Variants in FBLN7 observed in about 807,000 individuals in gnomAD.
FBLN7 encodes the protein fibulin-7.
Under a neutral mutation model 44.0 loss-of-function variants are expected in FBLN7, and 31 were observed. The observed-to-expected ratio is 0.70, with a 90% confidence interval of 0.53 to 0.95. The LOEUF (loss-of-function observed/expected upper bound fraction) is 0.95, where lower values mean the gene tolerates loss of function less well. Ranked by LOEUF, FBLN7 falls within the 40% of genes least tolerant of loss-of-function variation. The pLI, the probability that FBLN7 is intolerant of heterozygous loss-of-function variation, is 0.00. For missense variants in FBLN7, 573 were observed against 618.5 expected (o/e 0.93, Z 0.78); for synonymous variants, 262 against 253.4 (o/e 1.03, Z -0.32).
intron 1 of FBLN7, among the ~76,000 whole-genome samples, chr2:112,157,412 C>G (rs1681486454): frequency 6.6e-6 from 1 of 152,036 alleles, no homozygotes; most frequent in Non-Finnish European, 1.5e-5. Flanking sequence ...ATCCATAAGC[C>G]TATCCCTAAA....
At chr2:112,233,114 G>A in the FBLN7 span, 4 of 541,524 alleles carry the variant, frequency 7.4e-6, no homozygotes, top group Middle Eastern at 4.8e-4. Flanking sequence ...AAAAATCCAC[G>A]TACAATTTAA....
At chr2:112,214,630 A>AGACG in the FBLN7 span, 1 of 152,152 alleles carries the variant, frequency 6.6e-6, no homozygotes, top group Non-Finnish European at 1.5e-5. Flanking sequence ...ATGGCTCTTG[A>AGACG]GACGAATGGC....
chr2:112,207,921 C>G, the FBLN7 span, among the ~76,000 whole-genome samples: 1 of 152,158 alleles, frequency 6.6e-6, no homozygotes, highest in Admixed American at 6.5e-5. Flanking sequence ...ATAGTTGGGT[C>G]ATTTTTAAAA....
chr2:112,236,823 G>A, the FBLN7 span: 2 of 875,136 alleles, frequency 2.3e-6, no homozygotes, highest in Non-Finnish European at 3.4e-6. Flanking sequence ...GAGGCAGGAG[G>A]ACTGCTCAAA....
At chr2:112,232,678 T>G in the FBLN7 span, among the ~76,000 whole-genome samples, 1 of 152,200 alleles carries the variant, frequency 6.6e-6, no homozygotes, top group African/African-American at 2.4e-5. Context: ...ATAACTTCAA[T>G]ATTTTCTAGG....
At chr2:112,191,326 C>T (rs1250028665), downstream of FBLN7, among the ~76,000 whole-genome samples, 1 of 152,154 alleles carries the variant, frequency 6.6e-6, no homozygotes, top group Non-Finnish European at 1.5e-5. Context: ...CAGGCATGCA[C>T]CACCACACCT....
intron 3 of FBLN7, among the ~76,000 whole-genome samples, chr2:112,175,243 C>T (rs1682680121): frequency 1.3e-5 from 2 of 152,236 alleles, no homozygotes; most frequent in African/African-American, 4.8e-5. Flanking sequence ...TTTATAACTG[C>T]ACTGAATTTT....
chr2:112,230,035 G>C, the FBLN7 span, among the ~76,000 whole-genome samples: 1 of 150,756 alleles, frequency 6.6e-6, no homozygotes, highest in Non-Finnish European at 1.5e-5. Flanking sequence ...GGAATATATA[G>C]AAATCAATGT....
chr2:112,158,144 G>A (rs1344921182), intron 1 of FBLN7, among the ~76,000 whole-genome samples: 6 of 146,976 alleles, frequency 4.1e-5, no homozygotes, highest in African/African-American at 1.5e-4. Flanking sequence ...TGATCCGCCC[G>A]CCTCGGCCTC....
chr2:112,201,436 C>T, the FBLN7 span, among the ~76,000 whole-genome samples: 3 of 152,220 alleles, frequency 2.0e-5, no homozygotes, highest in African/African-American at 4.8e-5. Context: ...TTCCAGGGTA[C>T]CCTGTTCCCT....
rs570642163 is a variant in FBLN7, at chr2:112,178,781, C to A, written c.532+2942C>A. Among the ~76,000 whole-genome samples the A allele has an allele frequency of 1.1e-4, 16 of 152,252 alleles. 2 individuals carry two copies. The South Asian group carries it at 3.3e-3, about 32-fold the overall frequency. ...GATTATCTCAATATATGCAAAAAGG[C>A]TTTTGATGAAATTCAACATCTCTTC... On this transcript the variant is annotated intron_variant, in intron 4 of 7. Coordinates refer to ENST00000331203, the MANE Select transcript of FBLN7 (RefSeq NM_153214.3).
intron 1 of FBLN7, among the ~76,000 whole-genome samples, chr2:112,146,910 A>G (rs1002894637): frequency 6.6e-6 from 1 of 152,160 alleles, no homozygotes; most frequent in African/African-American, 2.4e-5. Flanking sequence ...TTTTTTCAAC[A>G]TTGAGTATGG....
At chr2:112,175,657 AT>A in intron 3 of FBLN7, 56 bp from the exon 4 acceptor site, 1 of 1,596,620 alleles carries the variant, frequency 6.3e-7, no homozygotes. Flanking sequence ...TTTTTATTGT[AT>A]TTGTTTTAGA....
chr2:112,196,504 C>T, the FBLN7 span, among the ~76,000 whole-genome samples: 137 of 151,268 alleles, frequency 9.1e-4, 1 homozygote, highest in Middle Eastern at 3.4e-3. Context: ...CTCTCAGGCT[C>T]GCACGATCCT....
the FBLN7 span, among the ~76,000 whole-genome samples, chr2:112,198,586 G>A: frequency 2.0e-5 from 3 of 151,822 alleles, no homozygotes; most frequent in Non-Finnish European, 2.9e-5. Flanking sequence ...GCAGTGAGCC[G>A]AGATTGCAGC....
At chr2:112,164,380 A>G (rs551116442) in intron 2 of FBLN7, among the ~76,000 whole-genome samples, 1 of 152,244 alleles carries the variant, frequency 6.6e-6, no homozygotes, top group Non-Finnish European at 1.5e-5. Context: ...CTGACCGCAT[A>G]TCTAGAAAGA....
Position 112,187,339 on chromosome 2 carries a change from G to C in FBLN7, c.1153G>C (p.Val385Leu), listed in dbSNP as rs1683320045. 1 of 1,614,076 alleles carries C rather than the reference G, an allele frequency of 6.2e-7. No individual in the cohort carries two copies. Among genetic ancestry groups the C allele is most frequent in the Non-Finnish European group, 8.5e-7 (1 of 1,180,060 alleles). Residue 385 changes from valine to leucine, a missense_variant, in exon 8 of 8, where the codon GTG becomes CTG. Physicochemically the swap from Val to Leu is conservative, Grantham distance 32. Coordinates refer to ENST00000331203, the MANE Select transcript of FBLN7 (RefSeq NM_153214.3). The surrounding 1 kb of genome is among the most constrained non-coding windows in gnomAD (Gnocchi z 5.1). ...GGGTGGGAACAGCCGCGGCCACTTTGTGATGCAGCGTTCAGACCGGCAGAC... is the reference window on the plus strand; with the variant it reads ...GGGTGGGAACAGCCGCGGCCACTTTCTGATGCAGCGTTCAGACCGGCAGAC... ...IVGGNSRGHF[V>L]MQRSDRQTGD...
At chr2:112,180,490 G>A (rs978138713) in intron 4 of FBLN7, among the ~76,000 whole-genome samples, 2 of 152,086 alleles carry the variant, frequency 1.3e-5, no homozygotes, top group Non-Finnish European at 2.9e-5. Context: ...TCCTATTACT[G>A]GGTATATACC....
At chr2:112,226,684 G>C in the FBLN7 span, among the ~76,000 whole-genome samples, 76 of 151,456 alleles carry the variant, frequency 5.0e-4, no homozygotes, top group African/African-American at 1.8e-3. Context: ...GAAAATAGGG[G>C]AAGCTGGAAC....
Sources: allele counts gnomAD v4.1 joint callset (sites outside exome capture counted in the v4.1 genomes callset), GRCh38; gene constraint gnomAD v4.1.1; non-coding constraint Gnocchi (gnomAD v3.1); transcripts MANE v1.5; gene names NCBI Gene and HGNC (gene_info 2026-07-23, HGNC 2026-07-21).